The following MIR2052HG variants were observed in gnomAD, a reference collection of about 807,000 sequenced individuals.
MIR2052HG encodes MIR2052 host gene.
At chr8:74,754,926 A>G (rs1809984075) in intron 5 of MIR2052HG, among the ~76,000 whole-genome samples, 2 of 152,230 alleles carry the variant, frequency 1.3e-5, no homozygotes, top group African/African-American at 4.8e-5. Flanking sequence ...AACCATTGCT[A>G]TCTTAGGGTT....
intron 4 of MIR2052HG, among the ~76,000 whole-genome samples, chr8:74,741,956 CAA>C (rs1809835863): frequency 6.6e-6 from 1 of 152,178 alleles, no homozygotes; most frequent in Non-Finnish European, 1.5e-5. Flanking sequence ...GCTTAACAGG[CAA>C]CTCAAACTTT....
intron 2 of MIR2052HG, among the ~76,000 whole-genome samples, chr8:74,616,762 G>C (rs988731710): frequency 2.6e-5 from 4 of 151,930 alleles, no homozygotes; most frequent in Non-Finnish European, 5.9e-5. Flanking sequence ...AAACCTACCT[G>C]ACTCAGGCTT....
chr8:74,603,381 A>T (rs1419227914), intron 1 of MIR2052HG: 3 of 1,611,116 alleles, frequency 1.9e-6, no homozygotes, highest in Non-Finnish European at 2.5e-6. Flanking sequence ...CAGTGATGGT[A>T]ACCTGCCTAT....
chr8:74,628,600 G>T (rs1808467625), intron 2 of MIR2052HG, among the ~76,000 whole-genome samples: 1 of 152,120 alleles, frequency 6.6e-6, no homozygotes, highest in African/African-American at 2.4e-5. Context: ...GATTAGTCTG[G>T]ATCTCCACAA....
rs143716093 is a variant in MIR2052HG at position 74,679,385 on chromosome 8, G to T, written n.217-22994G>T. 4.1e-3 allele frequency among the ~76,000 whole-genome samples: 626 copies of T among 152,002 alleles called. 16 individuals carry two copies. The highest frequency in any genetic ancestry group is 0.029 in the Admixed American group (448 of 15,248). ...CTGAGTTATTTCTTTTACAGTAATG[G>T]TCTCCAACTCCATCCAGGTGGCTAC... On this transcript the variant is annotated intron_variant and non_coding_transcript_variant, in intron 2 of 6. Coordinates refer to ENST00000523442, the Ensembl canonical transcript of MIR2052HG.
chr8:74,708,880 A>G (rs976895207), intron 4 of MIR2052HG, among the ~76,000 whole-genome samples: 5 of 152,006 alleles, frequency 3.3e-5, no homozygotes, highest in Non-Finnish European at 5.9e-5. Context: ...AGTGCATGGC[A>G]TATTGGGAAC....
intron 4 of MIR2052HG, among the ~76,000 whole-genome samples, chr8:74,746,051 C>T (rs964885698): frequency 5.3e-5 from 8 of 152,238 alleles, no homozygotes; most frequent in Non-Finnish European, 7.4e-5. Flanking sequence ...CATGTGAACA[C>T]CATGTGATGA....
At chr8:74,666,033 G>A (rs1012395749) in intron 2 of MIR2052HG, among the ~76,000 whole-genome samples, 4 of 152,086 alleles carry the variant, frequency 2.6e-5, no homozygotes, top group Admixed American at 6.6e-5. Flanking sequence ...CCAATCTTGG[G>A]TATGCTTTTG....
chr8:74,613,891 T>TTAGGTG (rs746990944), intron 2 of MIR2052HG, among the ~76,000 whole-genome samples: 108 of 152,340 alleles, frequency 7.1e-4, no homozygotes, highest in Middle Eastern at 3.4e-3. Flanking sequence ...TGGCCATGAA[T>TTAGGTG]TAGGTGTATT....
chr8:74,615,277 C>T (rs1220527696), intron 2 of MIR2052HG: 2 of 152,248 alleles, frequency 1.3e-5, no homozygotes, highest in East Asian at 1.9e-4. Flanking sequence ...CTGGTAATTA[C>T]ACCTACTTTC....
chr8:74,623,461 A>G (rs1295078610), intron 2 of MIR2052HG, among the ~76,000 whole-genome samples: 5 of 152,178 alleles, frequency 3.3e-5, no homozygotes, highest in Non-Finnish European at 7.4e-5. Context: ...AGAAAAGGAG[A>G]CTGAGCAGAT....
At chr8:74,603,341 A>G in intron 1 of MIR2052HG, 1 of 1,610,302 alleles carries the variant, frequency 6.2e-7, no homozygotes, top group Non-Finnish European at 8.5e-7. Context: ...TTGATTAGAT[A>G]TTGAGCCAGG....
In MIR2052HG at chr8:74,711,901, GGGAT is replaced by G. The variant is rs774753702; in HGVS notation, n.371+8222_371+8225del. Among the ~76,000 whole-genome samples, 672 of 152,246 alleles carry G rather than the reference GGGAT, an allele frequency of 4.4e-3. 8 individuals are homozygous for G. Among genetic ancestry groups the G allele is most frequent in the Non-Finnish European group, 2.8e-3 (188 of 68,022 alleles). ...GACTGAACTCCTGTGGATGCTTCCTGGGATGGTGCTGAATGCACTGCAACATGGC... is the reference window on the plus strand; with the variant it reads ...GACTGAACTCCTGTGGATGCTTCCTGGGTGCTGAATGCACTGCAACATGGC... On this transcript the variant is annotated intron_variant and non_coding_transcript_variant, in intron 4 of 6. Transcript: ENST00000523442.
At chr8:74,688,381 G>A (rs1305970192) in intron 2 of MIR2052HG, among the ~76,000 whole-genome samples, 2 of 152,154 alleles carry the variant, frequency 1.3e-5, no homozygotes, top group Admixed American at 1.3e-4. Flanking sequence ...ATAGAAGACA[G>A]TTTCTGTCTT....
chr8:74,693,519 C>T (rs1034097639), intron 2 of MIR2052HG, among the ~76,000 whole-genome samples: 13 of 144,356 alleles, frequency 9.0e-5, no homozygotes, highest in African/African-American at 3.4e-4. Flanking sequence ...CTTGCTTTCT[C>T]AGTGGGGAGG....
intron 1 of MIR2052HG, chr8:74,603,447 G>T (rs1586884253): frequency 6.2e-7 from 1 of 1,607,116 alleles, no homozygotes; most frequent in East Asian, 2.2e-5. Flanking sequence ...ACATCTGACG[G>T]ATCTCATTTA....
chr8:74,737,204 C>T (rs1392434965), intron 4 of MIR2052HG, among the ~76,000 whole-genome samples: 2 of 152,166 alleles, frequency 1.3e-5, no homozygotes, highest in African/African-American at 2.4e-5. Context: ...CACAGGAGTG[C>T]GACCTCTGTA....
chr8:74,632,762 T>C (rs955251709), intron 2 of MIR2052HG, among the ~76,000 whole-genome samples: 2 of 152,180 alleles, frequency 1.3e-5, no homozygotes, highest in Non-Finnish European at 2.9e-5. Flanking sequence ...TCATGGGAAC[T>C]GGAAGAAATA....
At chr8:74,648,568 C>G (rs866752569) in intron 2 of MIR2052HG, among the ~76,000 whole-genome samples, 4 of 152,138 alleles carry the variant, frequency 2.6e-5, no homozygotes, top group Non-Finnish European at 5.9e-5. Context: ...TTTTGCAGCT[C>G]AAGGTCGCCA....
Sources: gnomAD v4.1 joint callset for allele counts (sites outside exome capture counted in the v4.1 genomes callset) on GRCh38, gnomAD v4.1.1 for gene constraint, MANE v1.5 for transcripts, NCBI Gene and HGNC (gene_info 2026-07-23, HGNC 2026-07-21) for gene names.